The following WASF1 variants were observed in gnomAD, a reference collection of about 807,000 sequenced individuals.
WASF1 encodes actin-binding protein WASF1.
WASF1 carries 7 observed loss-of-function variants against 50.5 expected under a neutral mutation model. The observed-to-expected ratio is 0.14, with a 90% CI of 0.08 to 0.26. The LOEUF (loss-of-function observed/expected upper bound fraction) is 0.26, where lower values mean the gene tolerates loss of function less well. WASF1 is among the 10% of genes least tolerant of loss of function. The probability of loss-of-function intolerance (pLI) is 1.00; values close to 1 mark genes in which losing one functional copy is unlikely to be tolerated. For missense variants in WASF1, 470 were observed against 694.7 expected (o/e 0.68, Z 3.64); for synonymous variants, 205 against 244.0 (o/e 0.84, Z 1.49).
intron 4 of WASF1, among the ~76,000 whole-genome samples, chr6:110,116,699 C>T (rs1207803015): frequency 2.0e-5 from 3 of 152,178 alleles, no homozygotes; most frequent in East Asian, 1.9e-4. Context: ...GTCTGAACTC[C>T]GAGAACGGAC....
At chr6:110,134,422 C>CTT (rs201321386) in intron 3 of WASF1, among the ~76,000 whole-genome samples, 8,771 of 144,916 alleles carry the variant, frequency 0.061, 391 homozygotes, top group African/African-American at 0.12. Flanking sequence ...TCTATGTGCC[C>CTT]TTTTTTTTTT....
chr6:110,119,366 C>T (rs1020447619), intron 4 of WASF1, among the ~76,000 whole-genome samples: 1 of 152,072 alleles, frequency 6.6e-6, no homozygotes, highest in Admixed American at 6.6e-5. Context: ...ATATCACTGC[C>T]AATCCCCCAG....
intron 2 of WASF1, among the ~76,000 whole-genome samples, chr6:110,171,959 A>C (rs1776737110): frequency 6.6e-6 from 1 of 152,234 alleles, no homozygotes; most frequent in South Asian, 2.1e-4. Context: ...TCACTAAAGA[A>C]ATGCAAATCA....
At chr6:110,154,843 T>C (rs917627028) in intron 3 of WASF1, among the ~76,000 whole-genome samples, 8 of 152,038 alleles carry the variant, frequency 5.3e-5, no homozygotes, top group Admixed American at 3.9e-4. Flanking sequence ...TGGATAAAAA[T>C]TGAAATGCAA....
At chr6:110,142,023 T>C (rs1775265219) in intron 3 of WASF1, among the ~76,000 whole-genome samples, 1 of 152,168 alleles carries the variant, frequency 6.6e-6, no homozygotes, top group Non-Finnish European at 1.5e-5. Context: ...GCCTCACACA[T>C]ACACTTTCTA....
chr6:110,173,738 TCTAGCCCA>T (rs1473742362), intron 2 of WASF1, among the ~76,000 whole-genome samples: 1 of 152,192 alleles, frequency 6.6e-6, no homozygotes, highest in Non-Finnish European at 1.5e-5. Flanking sequence ...CCCTGGCTTA[TCTAGCCCA>T]CAGGGCAAGA....
intron 3 of WASF1, among the ~76,000 whole-genome samples, chr6:110,148,997 A>G (rs1775703808): frequency 6.6e-6 from 1 of 152,250 alleles, no homozygotes; most frequent in Non-Finnish European, 1.5e-5. Flanking sequence ...CAGATCAATT[A>G]TATCAATATA....
intron 2 of WASF1, among the ~76,000 whole-genome samples, chr6:110,168,657 C>T (rs1032642583): frequency 3.9e-5 from 6 of 151,996 alleles, no homozygotes; most frequent in Admixed American, 1.3e-4. Flanking sequence ...TAAAACTGGA[C>T]CCCATCTCTC....
At chr6:110,154,705 T>C (rs1419148951) in intron 3 of WASF1, among the ~76,000 whole-genome samples, 1 of 152,078 alleles carries the variant, frequency 6.6e-6, no homozygotes. Context: ...TGATTGATAT[T>C]TTACTTTATA....
At position 110,127,641 on chromosome 6, in the gene WASF1, CA is replaced by C; in HGVS notation, c.-28-13del. On this transcript the variant is annotated splice_polypyrimidine_tract_variant and intron_variant, in intron 3 of 10. Coordinates refer to ENST00000392589, the MANE Select transcript of WASF1 (RefSeq NM_003931.3). ...TTGTGCCAGTTCACCTGTAGGAAAT[CA>C]AAAATAAATTAACAATATTAAATTT... 6.8e-7 allele frequency: 1 copy of C among 1,469,692 alleles called. No homozygotes were observed. Among genetic ancestry groups the C allele is most frequent in the Non-Finnish European group, 9.0e-7 (1 of 1,110,158 alleles). The allele number at this position is 1,469,692 out of a possible 1,614,324, so 91.0% of individuals were successfully genotyped here.
In WASF1 at chr6:110,100,328, G is replaced by A; in HGVS notation, c.*194C>T. ...TTAGTCTTTTCAGGGGGAAAAAAAA[G>A]ATAAGCCACTGTAAAACATTTAGTT... is the stretch of plus-strand genomic sequence containing the variant. On this transcript the variant is annotated 3_prime_UTR_variant, in exon 11 of 11. Transcript: ENST00000392589. The A allele has an allele frequency of 1.9e-6, 1 of 535,498 alleles. No individual in the cohort carries two copies. The highest frequency in any genetic ancestry group is 3.4e-5 in the East Asian group (1 of 29,360). 33.2% of individuals were successfully genotyped at this position (535,498 alleles called of 1,614,324 possible). A position where few individuals can be genotyped will look rare whatever the true frequency, so the allele number is the denominator to read the frequency against.
intron 3 of WASF1, among the ~76,000 whole-genome samples, chr6:110,135,416 A>T (rs1408429668): frequency 6.6e-6 from 1 of 152,136 alleles, no homozygotes; most frequent in Non-Finnish European, 1.5e-5. Flanking sequence ...CCTGCCCAAG[A>T]TTTTAAAAAA....
At chr6:110,143,959 G>C (rs928007393) in intron 3 of WASF1, among the ~76,000 whole-genome samples, 6 of 152,138 alleles carry the variant, frequency 3.9e-5, no homozygotes, top group African/African-American at 1.4e-4. Flanking sequence ...ATGATTTATA[G>C]TCCTTTGGGT....
intron 3 of WASF1, among the ~76,000 whole-genome samples, chr6:110,129,237 T>A (rs975762561): frequency 6.6e-6 from 1 of 151,972 alleles, no homozygotes; most frequent in Non-Finnish European, 1.5e-5. Context: ...TAAGTCTACA[T>A]GAAATTTTAC....
At chr6:110,135,050 T>C (rs1047915513) in intron 3 of WASF1, among the ~76,000 whole-genome samples, 16 of 152,208 alleles carry the variant, frequency 1.1e-4, no homozygotes, top group African/African-American at 3.9e-4. Flanking sequence ...CTTTCAGCAG[T>C]GTTTTGTAGT....
At chr6:110,160,065 TAA>T (rs1382580205) in intron 3 of WASF1, among the ~76,000 whole-genome samples, 7 of 151,986 alleles carry the variant, frequency 4.6e-5, no homozygotes, top group African/African-American at 1.4e-4. Context: ...CTAGTTAGAA[TAA>T]GTCTAATTTA....
chr6:110,118,616 T>C (rs1370800375), intron 4 of WASF1, among the ~76,000 whole-genome samples: 2 of 152,048 alleles, frequency 1.3e-5, no homozygotes, highest in East Asian at 3.9e-4. Context: ...CACCCCACTG[T>C]CAATATTAGA....
chr6:110,130,397 T>G (rs1346470262), intron 3 of WASF1, among the ~76,000 whole-genome samples: 4 of 152,148 alleles, frequency 2.6e-5, no homozygotes, highest in Non-Finnish European at 4.4e-5. Flanking sequence ...ATTTCCTTGT[T>G]TTTCTTTTTA....
intron 3 of WASF1, among the ~76,000 whole-genome samples, chr6:110,154,092 T>C (rs1343350598): frequency 1.3e-5 from 2 of 152,106 alleles, no homozygotes; most frequent in African/African-American, 4.8e-5. Context: ...TCTGAAACCA[T>C]GTTAGAGGAA....
Sources: gnomAD v4.1 joint callset for allele counts (sites outside exome capture counted in the v4.1 genomes callset) on GRCh38, gnomAD v4.1.1 for gene constraint, MANE v1.5 for transcripts, NCBI Gene and HGNC (gene_info 2026-07-23, HGNC 2026-07-21) for gene names.